SMG1: variants seen among roughly 807,000 people sequenced by gnomAD.
The protein encoded by SMG1 is serine/threonine-protein kinase SMG1.
SMG1 carries 22 observed loss-of-function variants against 419.9 expected under a neutral mutation model. That is an observed-to-expected ratio of 0.05 (90% CI 0.04 to 0.07). The LOEUF (loss-of-function observed/expected upper bound fraction) is 0.07, where lower values mean the gene tolerates loss of function less well. Among genes scored for constraint, SMG1 ranks in the 10% least tolerant of loss-of-function variants. SMG1 has a pLI of 1.00. For missense variants in SMG1, 3,185 were observed against 4,342.0 expected (o/e 0.73, Z 7.49); for synonymous variants, 1,538 against 1,553.5 (o/e 0.99, Z 0.23).
chr16:18,864,907 T>C (rs1450042460), intron 23 of SMG1, among the ~76,000 whole-genome samples: 2 of 152,242 alleles, frequency 1.3e-5, no homozygotes, highest in East Asian at 3.9e-4. Flanking sequence ...CTCACAACTA[T>C]GAAACTAAAT....
intron 1 of SMG1, 111 bp from the exon 2 acceptor site, chr16:18,897,067 T>C: frequency 1.4e-6 from 1 of 709,382 alleles, no homozygotes; most frequent in Non-Finnish European, 2.4e-6. Flanking sequence ...CTATTTAGTG[T>C]AATATGTACT....
chr16:18,854,965 A>C (rs1162385445), intron 29 of SMG1, 61 bp from the exon 30 acceptor site: 2 of 1,518,594 alleles, frequency 1.3e-6, no homozygotes, highest in Non-Finnish European at 1.8e-6. Context: ...GCATGGAAAC[A>C]TGGCCAAAAA....
intron 6 of SMG1, among the ~76,000 whole-genome samples, chr16:18,886,609 C>A: frequency 6.6e-6 from 1 of 152,226 alleles, no homozygotes; most frequent in South Asian, 2.1e-4. Context: ...TCAAGACCAG[C>A]CTGGCCAGCA....
chr16:18,827,996 A>C, intron 55 of SMG1, 35 bp downstream of exon 55: 1 of 1,592,480 alleles, frequency 6.3e-7, no homozygotes, highest in East Asian at 2.3e-5. Context: ...TTCTAAAAAG[A>C]AAATGCCCTG....
Position 18,847,438 on chromosome 16 carries a change from T to G in SMG1, c.5996+15A>C. 6.2e-7 allele frequency: 1 copy of G among 1,613,518 alleles called. No individual in the cohort carries two copies. Among genetic ancestry groups the G allele is most frequent in the South Asian group, 1.1e-5 (1 of 91,074 alleles). ...GGCAGCTTCACTGTCTCAGGACAAG[T>G]GTATGGAAACATACTTGCGTAAGGT... On this transcript the variant is annotated intron_variant, in intron 38 of 62. Coordinates refer to ENST00000446231, the MANE Select transcript of SMG1 (RefSeq NM_015092.5).
chr16:18,832,369 T>C (rs1489492176), intron 51 of SMG1, among the ~76,000 whole-genome samples: 1 of 152,150 alleles, frequency 6.6e-6, no homozygotes, highest in Non-Finnish European at 1.5e-5. Context: ...CAATATCCAA[T>C]TAGCTAAAAC....
At chr16:18,876,762 T>C (rs1192747657) in intron 12 of SMG1, among the ~76,000 whole-genome samples, 1 of 151,960 alleles carries the variant, frequency 6.6e-6, no homozygotes, top group Non-Finnish European at 1.5e-5. Context: ...TGTGGTGGAT[T>C]TGACTAGGGG....
At chr16:18,815,371 G>A (rs538111480) in intron 59 of SMG1, 69 bp downstream of exon 59, 4 of 1,575,614 alleles carry the variant, frequency 2.5e-6, no homozygotes, top group Non-Finnish European at 3.5e-6. Flanking sequence ...ATTAAATCAA[G>A]AGATAAACTT....
In SMG1 at chr16:18,809,528, G is replaced by A. The variant is rs1225944173; in HGVS notation, c.*41C>T. 16 of 1,481,450 alleles carry A rather than the reference G, an allele frequency of 1.1e-5. No individual in the cohort carries two copies. Among genetic ancestry groups the A allele is most frequent in the Non-Finnish European group, 1.4e-5 (15 of 1,069,006 alleles). The allele number at this position is 1,481,450 out of a possible 1,614,324, so 91.8% of individuals were successfully genotyped here. A position where few individuals can be genotyped will look rare whatever the true frequency, so the allele number is the denominator to read the frequency against. ...TGAGGCTGAGTTGATTCTGGTGGAT[G>A]TCTGACCTCGCTTAACCAGACTCAT... On this transcript the variant is annotated 3_prime_UTR_variant, in exon 63 of 63. Transcript: ENST00000446231.
In SMG1 at chr16:18,829,645, T is replaced by C. The variant is rs763193858; in HGVS notation, c.9244A>G (p.Ile3082Val). ...CFSEDQMAKP[I>V]KAFTADFVRQ... is the part of the protein sequence containing the mutation. ...ACAAAGTCAGCTGTGAATGCCTTGA[T>C]AGGTTTGGCCATTTGGTCTTCACTG... is the stretch of plus-strand genomic sequence containing the variant. The change falls in exon 54 of 63, where the codon ATC (isoleucine) becomes GTC (valine). Residue 3082 changes from isoleucine to valine, a missense_variant. Coordinates refer to ENST00000446231, the MANE Select transcript of SMG1 (RefSeq NM_015092.5). 53 of 1,614,012 alleles carry C rather than the reference T, an allele frequency of 3.3e-5. No individual in the cohort carries two copies. The highest frequency in any genetic ancestry group is 5.0e-5 in the Admixed American group (3 of 60,020).
At chr16:18,884,785 A>G (rs2036548183) in intron 8 of SMG1, 1 of 269,100 alleles carries the variant, frequency 3.7e-6, no homozygotes, top group Non-Finnish European at 6.9e-6. Flanking sequence ...GTGACAAATA[A>G]CTTGGATCTT....
At chr16:18,868,043 T>C in intron 22 of SMG1, 147 bp downstream of exon 22, 1 of 792,158 alleles carries the variant, frequency 1.3e-6, no homozygotes, top group Non-Finnish European at 2.0e-6. Flanking sequence ...CTGGCAGTTG[T>C]TGCTTTTACA....
At chr16:18,904,813 C>T (rs1455988107) in intron 1 of SMG1, among the ~76,000 whole-genome samples, 5 of 151,358 alleles carry the variant, frequency 3.3e-5, no homozygotes, top group Admixed American at 3.3e-4. Flanking sequence ...TGGGTGCCTG[C>T]AATCCCAGCT....
chr16:18,921,697 TC>T (rs2038207375), intron 1 of SMG1, among the ~76,000 whole-genome samples: 1 of 152,222 alleles, frequency 6.6e-6, no homozygotes, highest in Non-Finnish European at 1.5e-5. Flanking sequence ...CCTATGGACA[TC>T]AAACTTAGTA....
chr16:18,899,799 A>T (rs544230930), intron 1 of SMG1, among the ~76,000 whole-genome samples: 1 of 152,304 alleles, frequency 6.6e-6, no homozygotes, highest in South Asian at 2.1e-4. Flanking sequence ...TTAGTGAAAA[A>T]AGAAAATCTA....
intron 1 of SMG1, among the ~76,000 whole-genome samples, chr16:18,909,817 G>A (rs2037720752): frequency 1.3e-5 from 2 of 152,012 alleles, no homozygotes; most frequent in African/African-American, 2.4e-5. Context: ...AATTTACTGA[G>A]GTCTTTGTAT....
intron 1 of SMG1, among the ~76,000 whole-genome samples, chr16:18,902,705 C>CAAA (rs536940919): frequency 5.1e-5 from 6 of 116,870 alleles, no homozygotes; most frequent in African/African-American, 1.6e-4. Flanking sequence ...GGCCCTGTCT[C>CAAA]AAAAAAAAAA....
intron 1 of SMG1, among the ~76,000 whole-genome samples, chr16:18,913,010 G>A (rs961280541): frequency 5.9e-5 from 9 of 152,006 alleles, no homozygotes; most frequent in Non-Finnish European, 1.0e-4. Context: ...AAATATATAT[G>A]AATTCTGGGT....
In SMG1 at chr16:18,895,503, A is replaced by AC. The variant is rs554120783; in HGVS notation, c.412+548_412+549insG. 7.7e-4 allele frequency among the ~76,000 whole-genome samples: 114 copies of AC among 148,682 alleles called. No individual in the cohort carries two copies. The Middle Eastern group carries it at 0.01, about 13-fold the overall frequency. On this transcript the variant is annotated intron_variant, in intron 3 of 62. Coordinates refer to ENST00000446231, the MANE Select transcript of SMG1 (RefSeq NM_015092.5). The stretch of plus-strand genomic sequence containing the variant: ...AAAAAATATATTGAAAACAACAACA[A>AC]AAAAAAAAACCAGAAAAGTACCCAC...
Sources: gnomAD v4.1 joint callset for allele counts (sites outside exome capture counted in the v4.1 genomes callset) on GRCh38, gnomAD v4.1.1 for gene constraint, MANE v1.5 for transcripts, NCBI Gene and HGNC (gene_info 2026-07-23, HGNC 2026-07-21) for gene names.